The following PDE1C variants were observed in gnomAD, a reference collection of about 807,000 sequenced individuals.
PDE1C encodes phosphodiesterase 1C.
Under a neutral mutation model 93.1 loss-of-function variants are expected in PDE1C, and 62 were observed. That is an observed-to-expected ratio of 0.67 (90% CI 0.54 to 0.82). The LOEUF (loss-of-function observed/expected upper bound fraction) is 0.82, where lower values mean the gene tolerates loss of function less well. PDE1C is among the 40% of genes least tolerant of loss of function. PDE1C has a pLI of 0.00. For missense variants in PDE1C, 742 were observed against 884.6 expected (o/e 0.84, Z 2.04); for synonymous variants, 325 against 310.1 (o/e 1.05, Z -0.50).
Position 31,793,960 on chromosome 7 carries a change from A to G in PDE1C, c.1891+15071T>C, listed in dbSNP as rs193239578. On this transcript the variant is annotated intron_variant, in intron 16 of 17. Coordinates refer to ENST00000396191, the MANE Select transcript of PDE1C (RefSeq NM_001191057.4). ...TTCCAGCACAGAAAAATAAAACAGA[A>G]GGACAGATAGACAGACACATAGATA... 4.6e-5 allele frequency among the ~76,000 whole-genome samples: 7 copies of G among 151,886 alleles called. No individual in the cohort carries two copies. In the Admixed American group the frequency reaches 4.6e-4, roughly 10 times the overall value.
chr7:32,319,985 G>C (rs1315133100), intron 1 of PDE1C, among the ~76,000 whole-genome samples: 1 of 152,146 alleles, frequency 6.6e-6, no homozygotes, highest in African/African-American at 2.4e-5. Flanking sequence ...GAGTCCCACG[G>C]TCTTAGGGAC....
At chr7:31,688,438 C>T in the PDE1C span, among the ~76,000 whole-genome samples, 2 of 152,178 alleles carry the variant, frequency 1.3e-5, no homozygotes, top group Non-Finnish European at 2.9e-5. Context: ...AGAGAAAAGA[C>T]AAAAAATCCA....
chr7:32,263,283 C>T (rs371302516), intron 1 of PDE1C, among the ~76,000 whole-genome samples: 4 of 152,186 alleles, frequency 2.6e-5, no homozygotes, highest in East Asian at 1.9e-4. Context: ...CTACTATTAA[C>T]ATTTTACCTC....
At chr7:32,133,155 A>G (rs1400169713) in intron 3 of PDE1C, among the ~76,000 whole-genome samples, 1 of 152,198 alleles carries the variant, frequency 6.6e-6, no homozygotes, top group Non-Finnish European at 1.5e-5. Context: ...GTAAAGATAT[A>G]AATTTGGCAG....
At chr7:32,152,877 T>G (rs1801344791) in intron 3 of PDE1C, among the ~76,000 whole-genome samples, 1 of 152,198 alleles carries the variant, frequency 6.6e-6, no homozygotes. Context: ...ATTATAACTA[T>G]GAGAATAAGG....
At chr7:31,971,357 C>G (rs1021936327) in intron 2 of PDE1C, among the ~76,000 whole-genome samples, 1 of 152,104 alleles carries the variant, frequency 6.6e-6, no homozygotes, top group Non-Finnish European at 1.5e-5. Context: ...CTGAAAGCTA[C>G]AGTTCCAATA....
At chr7:31,908,927 G>A (rs73308608) in intron 2 of PDE1C, among the ~76,000 whole-genome samples, 42 of 152,270 alleles carry the variant, frequency 2.8e-4, no homozygotes, top group African/African-American at 9.4e-4. Flanking sequence ...AGGCCTTAAA[G>A]CATAACTGAG....
In PDE1C at chr7:31,922,796, A is replaced by C. The variant is rs188494439; in HGVS notation, c.129-41936T>G. 4.5e-4 allele frequency among the ~76,000 whole-genome samples: 69 copies of C among 152,352 alleles called. 1 individual carries two copies. In the East Asian group the frequency reaches 0.013, roughly 28 times the overall value. On this transcript the variant is annotated intron_variant, in intron 2 of 17. Transcript: ENST00000396191. The stretch of plus-strand genomic sequence containing the variant: ...TTTATAAGAAAAAGAAAAAAATGTC[A>C]ATTTTCAAGATAAAAGTGTGGAGTC...
chr7:31,672,428 C>A, the PDE1C span, among the ~76,000 whole-genome samples: 1 of 152,072 alleles, frequency 6.6e-6, no homozygotes. Context: ...CCAACAACAA[C>A]CTTACTCCAT....
At chr7:31,761,591 TC>T (rs1405286965) in intron 17 of PDE1C, among the ~76,000 whole-genome samples, 1 of 152,186 alleles carries the variant, frequency 6.6e-6, no homozygotes, top group Non-Finnish European at 1.5e-5. Context: ...GCTCCAGGAC[TC>T]TTTAACTTGG....
At position 32,251,366 on chromosome 7, in the gene PDE1C, A is replaced by G. The variant is rs1299949088; in HGVS notation, c.86-41827T>C. On this transcript the variant is annotated intron_variant, in intron 1 of 18. Transcript: ENST00000396193. ...ATAGCATAAGTGGCCTAGAGCTGCA[A>G]CTCAGGCAAGGGCACCATCATCTAC... Among the ~76,000 whole-genome samples, 3 of 152,276 alleles carry G rather than the reference A, an allele frequency of 2.0e-5. No individual in the cohort carries two copies. The East Asian group carries it at 5.8e-4, about 29-fold the overall frequency.
intron 1 of PDE1C, among the ~76,000 whole-genome samples, chr7:32,270,998 C>T (rs568140070): frequency 1.2e-4 from 18 of 152,084 alleles, no homozygotes; most frequent in African/African-American, 4.3e-4. Context: ...ATTAGCCAGG[C>T]ATGGTGACGG....
At chr7:32,312,618 G>A (rs924780339) in intron 1 of PDE1C, among the ~76,000 whole-genome samples, 10 of 152,070 alleles carry the variant, frequency 6.6e-5, no homozygotes, top group Admixed American at 5.9e-4. Flanking sequence ...CAACCATCTG[G>A]TCTTTGACAA....
At chr7:32,084,161 A>C (rs1446188825) in intron 3 of PDE1C, among the ~76,000 whole-genome samples, 1 of 152,042 alleles carries the variant, frequency 6.6e-6, no homozygotes, top group Non-Finnish European at 1.5e-5. Flanking sequence ...AGGAAGATCT[A>C]CCAAGCAAAT....
intron 3 of PDE1C, among the ~76,000 whole-genome samples, chr7:32,112,359 C>A (rs1798687659): frequency 6.6e-6 from 1 of 151,818 alleles, no homozygotes; most frequent in South Asian, 2.1e-4. Flanking sequence ...ATAAATGATC[C>A]AACTTCATTT....
intron 2 of PDE1C, among the ~76,000 whole-genome samples, chr7:31,902,365 G>A (rs1279532632): frequency 1.3e-5 from 2 of 151,792 alleles, no homozygotes; most frequent in African/African-American, 4.8e-5. Context: ...AAATTTCACT[G>A]GGATTTCATT....
At chr7:31,906,767 T>C (rs920358571) in intron 2 of PDE1C, among the ~76,000 whole-genome samples, 11 of 152,168 alleles carry the variant, frequency 7.2e-5, no homozygotes, top group African/African-American at 2.4e-4. Context: ...TTACTAGTTG[T>C]ATGACCTTGA....
chr7:31,965,718 G>A (rs935751454), intron 2 of PDE1C, among the ~76,000 whole-genome samples: 2 of 152,180 alleles, frequency 1.3e-5, no homozygotes, highest in African/African-American at 4.8e-5. Context: ...GAAAGGTCGG[G>A]TTACCCACAA....
At chr7:32,340,536 A>G (rs1783727932) in intron 1 of PDE1C, among the ~76,000 whole-genome samples, 1 of 152,204 alleles carries the variant, frequency 6.6e-6, no homozygotes, top group Non-Finnish European at 1.5e-5. Context: ...AGGAATTTGT[A>G]TCTTATTGTA....
Sources: gnomAD v4.1 joint callset for allele counts (sites outside exome capture counted in the v4.1 genomes callset) on GRCh38, gnomAD v4.1.1 for gene constraint, MANE v1.5 for transcripts, NCBI Gene and HGNC (gene_info 2026-07-23, HGNC 2026-07-21) for gene names.